The following MAP3K4 variants were observed in gnomAD, a reference collection of about 807,000 sequenced individuals.
MAP3K4 encodes mitogen-activated protein kinase kinase kinase 4.
A neutral mutation model predicts 185.6 loss-of-function variants in MAP3K4; 67 were observed. The observed-to-expected ratio is 0.36, with a 90% CI of 0.30 to 0.44. The LOEUF (loss-of-function observed/expected upper bound fraction) is 0.44. Ranked by LOEUF, MAP3K4 falls within the 20% of genes least tolerant of loss-of-function variation. MAP3K4 has a pLI of 1.00. For missense variants in MAP3K4, 1,551 were observed against 1,995.1 expected (o/e 0.78, Z 4.24); for synonymous variants, 702 against 710.4 (o/e 0.99, Z 0.19).
At position 161,056,308 on chromosome 6, in the gene MAP3K4, G is replaced by T. The variant is rs1358867134; in HGVS notation, c.1707+6329G>T. On this transcript the variant is annotated intron_variant, in intron 3 of 26. Transcript: ENST00000392142. This position sits in a 1 kb window ranked among gnomAD's most constrained non-coding sequence, Gnocchi z 5.4. The stretch of plus-strand genomic sequence containing the variant: ...TCCTTTTACTGGATAATTGTATTTA[G>T]AAATGAAGATGTGGGCACTGGGTGT... Among the ~76,000 whole-genome samples, 4 of 152,150 alleles carry T rather than the reference G, an allele frequency of 2.6e-5. No homozygotes were observed. The highest frequency in any genetic ancestry group is 1.5e-5 in the Non-Finnish European group (1 of 68,038).
intron 1 of MAP3K4, among the ~76,000 whole-genome samples, chr6:161,010,324 G>A (rs1171306429): frequency 6.6e-6 from 1 of 151,870 alleles, no homozygotes; most frequent in Non-Finnish European, 1.5e-5. Flanking sequence ...CATATTTTTT[G>A]GTTTGTTACA....
intron 3 of MAP3K4, among the ~76,000 whole-genome samples, chr6:161,060,858 G>T (rs1784457099): frequency 6.6e-6 from 1 of 152,044 alleles, no homozygotes; most frequent in African/African-American, 2.4e-5. Flanking sequence ...GACCTCAAGT[G>T]ATCTGCCGGC....
intron 19 of MAP3K4, among the ~76,000 whole-genome samples, chr6:161,105,996 TG>T (rs1303334333): frequency 1.3e-5 from 2 of 152,078 alleles, no homozygotes; most frequent in African/African-American, 4.8e-5. Flanking sequence ...CCACCACACC[TG>T]GCTAACTTTT....
In MAP3K4 at chr6:160,991,878, C is replaced by T. The variant is rs1459414154; in HGVS notation, c.-54C>T. On this transcript the variant is annotated 5_prime_UTR_variant, in exon 1 of 27. Coordinates refer to ENST00000392142, the MANE Select transcript of MAP3K4 (RefSeq NM_005922.4). This position sits in a 1 kb window ranked among gnomAD's most constrained non-coding sequence, Gnocchi z 5.7. ...CCCGCACTTCGGGGCTCCGGTGCCC[C>T]GCGCCAGGCTGCAGCTTACTGCCCG... The T allele has an allele frequency of 2.8e-6, 4 of 1,444,096 alleles. No individual in the cohort carries two copies. Among genetic ancestry groups the T allele is most frequent in the African/African-American group, 3.0e-5 (2 of 67,262 alleles). 89.5% of individuals were successfully genotyped at this position (1,444,096 alleles called of 1,614,324 possible).
At chr6:161,021,349 T>G (rs1782376920) in intron 1 of MAP3K4, among the ~76,000 whole-genome samples, 1 of 152,178 alleles carries the variant, frequency 6.6e-6, no homozygotes, top group Admixed American at 6.5e-5. Flanking sequence ...GGGACTCGGA[T>G]TCACTCCGCC....
Position 161,086,457 on chromosome 6 carries a change from A to G in MAP3K4, c.2451A>G (p.Gly817=), listed in dbSNP as rs1260119150. ...EARERASKAL[G]FAKMLRKDLE... ...GAGAAAGGGCTTCCAAAGCACTTGG[A>G]TTTGCTAAAATGTTGAGAAAGGTGA... Residue 817 remains glycine, a synonymous_variant, in exon 8 of 27, where the codon GGA becomes GGG. Transcript: ENST00000392142. This position sits in a 1 kb window ranked among gnomAD's most constrained non-coding sequence, Gnocchi z 4.8. The G allele has an allele frequency of 1.2e-6, 2 of 1,613,966 alleles. No individual in the cohort carries two copies. The highest frequency in any genetic ancestry group is 4.5e-5 in the East Asian group (2 of 44,886).
chr6:161,110,270 A>C lies in MAP3K4; in HGVS notation c.4396+356A>C, dbSNP rs1055368707. Among the ~76,000 whole-genome samples the C allele has an allele frequency of 2.6e-5, 4 of 152,210 alleles. No homozygotes were observed. The highest frequency in any genetic ancestry group is 4.4e-5 in the Non-Finnish European group (3 of 68,044). On this transcript the variant is annotated intron_variant, in intron 23 of 26. Transcript: ENST00000392142. This position sits in a 1 kb window ranked among gnomAD's most constrained non-coding sequence, Gnocchi z 4.8. ...CAGGATTCTTGTCTATTTATATATG[A>C]AAATCATGAATATGTAAACCGACAG... is the stretch of plus-strand genomic sequence containing the variant.
chr6:161,102,812 A>AG lies in MAP3K4; in HGVS notation c.3856+33_3856+34insG, dbSNP rs753420517. On this transcript the variant is annotated intron_variant, in intron 19 of 26. Transcript: ENST00000392142. ...AAAGAGTGTTGAAGTTAAAAAAAAAAAAAAAAAAAAAACACGATTACACAT... is the reference window on the plus strand; with the variant it reads ...AAAGAGTGTTGAAGTTAAAAAAAAAAGAAAAAAAAAAAACACGATTACACAT... 3.5e-6 allele frequency: 5 copies of AG among 1,411,178 alleles called. No homozygotes were observed. The East Asian group carries it at 1.2e-4, about 33-fold the overall frequency. The allele number at this position is 1,411,178 out of a possible 1,614,324, so 87.4% of individuals were successfully genotyped here.
In MAP3K4 at chr6:161,076,103, T is replaced by C. The variant is rs1742822993; in HGVS notation, c.2097+2491T>C. Among the ~76,000 whole-genome samples, 1 of 152,152 alleles carries C rather than the reference T, an allele frequency of 6.6e-6. No individual in the cohort carries two copies. Among genetic ancestry groups the C allele is most frequent in the African/African-American group, 2.4e-5 (1 of 41,434 alleles). Reference sequence around the variant, plus strand: ...CATACCCTTCCAAAAATAAAAAGACTTAGAATTATTCGCCTTGAAATGTAA... The same window carrying C: ...CATACCCTTCCAAAAATAAAAAGACCTAGAATTATTCGCCTTGAAATGTAA... On this transcript the variant is annotated intron_variant, in intron 5 of 26. Coordinates refer to ENST00000392142, the MANE Select transcript of MAP3K4 (RefSeq NM_005922.4). The surrounding 1 kb of genome is among the most constrained non-coding windows in gnomAD (Gnocchi z 4.2).
intron 3 of MAP3K4, 68 bp downstream of exon 3, chr6:161,050,047 T>C: frequency 7.0e-7 from 1 of 1,426,990 alleles, no homozygotes. Flanking sequence ...AATTATAATG[T>C]TGGTGTTATG....
Position 161,098,839 on chromosome 6 carries a change from T to G in MAP3K4, c.3674+412T>G, listed in dbSNP as rs1182139093. On this transcript the variant is annotated intron_variant, in intron 17 of 26. Coordinates refer to ENST00000392142, the MANE Select transcript of MAP3K4 (RefSeq NM_005922.4). The surrounding 1 kb of genome is among the most constrained non-coding windows in gnomAD (Gnocchi z 4.4). ...ATTTTATTTTTTGGGAAGATCAGTT[T>G]TCTAGCCAAATACTCTATTTTAAAT... Among the ~76,000 whole-genome samples, 2 of 152,170 alleles carry G rather than the reference T, an allele frequency of 1.3e-5. No individual in the cohort carries two copies. Among genetic ancestry groups the G allele is most frequent in the Admixed American group, 1.3e-4 (2 of 15,284 alleles).
chr6:161,025,091 T>C (rs370402748), intron 1 of MAP3K4, among the ~76,000 whole-genome samples: 13 of 152,006 alleles, frequency 8.6e-5, no homozygotes, highest in East Asian at 3.9e-4. Flanking sequence ...TGTTACCTCA[T>C]TTGTTTTGTT....
chr6:161,078,253 T>A (rs922237990), intron 5 of MAP3K4, among the ~76,000 whole-genome samples: 1 of 152,012 alleles, frequency 6.6e-6, no homozygotes, highest in African/African-American at 2.4e-5. Context: ...TTATGACTAG[T>A]CCCCCCAGCT....
In MAP3K4 at chr6:161,087,533, T is replaced by C. The variant is rs763887604; in HGVS notation, c.2557-155T>C. Among the ~76,000 whole-genome samples the C allele has an allele frequency of 6.6e-6, 1 of 152,240 alleles. No individual in the cohort carries two copies. Among genetic ancestry groups the C allele is most frequent in the African/African-American group, 2.4e-5 (1 of 41,462 alleles). On this transcript the variant is annotated intron_variant, in intron 9 of 26. Coordinates refer to ENST00000392142, the MANE Select transcript of MAP3K4 (RefSeq NM_005922.4). The surrounding 1 kb of genome is among the most constrained non-coding windows in gnomAD (Gnocchi z 4.9). ...CTCCTCCTGCCTCCTTCAGTCACAC[T>C]GAAGCCGGCTACCTGCAGTTCCCTC...
rs765581387 is a variant in MAP3K4 at position 161,098,364 on chromosome 6, G to A, written c.3611G>A (p.Arg1204Gln). ...AAAAAAVAAS[R>Q]PSPSGGDSVL... ...GCTGCTGCTGCTGTTGCTGCCAGTC[G>A]GCCCAGCCCCTCTGGTGGTGACTCT... Residue 1204 changes from arginine (R) to glutamine (Q), a missense_variant, in exon 17 of 27, where the codon CGG (arginine) becomes CAG (glutamine). This residue lies in a region of MAP3K4 where 272 missense variants were observed against 301.2 expected (regional missense o/e 0.90). Transcript: ENST00000392142. The surrounding 1 kb of genome is among the most constrained non-coding windows in gnomAD (Gnocchi z 4.4). The A allele has an allele frequency of 1.5e-5, 24 of 1,613,460 alleles. No individual in the cohort carries two copies. The East Asian group carries it at 2.0e-4, about 13-fold the overall frequency.
At chr6:161,105,184 T>G (rs373696131) in intron 19 of MAP3K4, among the ~76,000 whole-genome samples, 12 of 152,160 alleles carry the variant, frequency 7.9e-5, no homozygotes, top group Non-Finnish European at 1.6e-4. Context: ...GGGTAATAGC[T>G]CACAGAACTG....
rs1408010976 is a variant in MAP3K4, at chr6:161,074,385, C to A, written c.2097+773C>A. Among the ~76,000 whole-genome samples, 1 of 152,136 alleles carries A rather than the reference C, an allele frequency of 6.6e-6. No homozygotes were observed. The highest frequency in any genetic ancestry group is 1.5e-5 in the Non-Finnish European group (1 of 68,024). On this transcript the variant is annotated intron_variant, in intron 5 of 26. Transcript: ENST00000392142. This position sits in a 1 kb window ranked among gnomAD's most constrained non-coding sequence, Gnocchi z 5.0. The stretch of plus-strand genomic sequence containing the variant: ...CATTCTTCTTTCCTGTTAGAAATGC[C>A]CCCTCCTCCACTTTATCTGCCTATT...
chr6:161,063,342 TG>T lies in MAP3K4; in HGVS notation c.1708-7264del, dbSNP rs1396900852. Reference sequence around the variant, plus strand: ...ATCTTTCTGGCAAGCGCTCACTGTCTGGAGGGTTATTCTCCTTTTTCTCTCT... The same window carrying T: ...ATCTTTCTGGCAAGCGCTCACTGTCTGAGGGTTATTCTCCTTTTTCTCTCT... On this transcript the variant is annotated intron_variant, in intron 3 of 26. Transcript: ENST00000392142. The surrounding 1 kb of genome is among the most constrained non-coding windows in gnomAD (Gnocchi z 5.4). Among the ~76,000 whole-genome samples, 3 of 152,180 alleles carry T rather than the reference TG, an allele frequency of 2.0e-5. No individual in the cohort carries two copies. The highest frequency in any genetic ancestry group is 7.2e-5 in the African/African-American group (3 of 41,454).
chr6:160,997,573 A>G (rs921941295), intron 1 of MAP3K4, among the ~76,000 whole-genome samples: 1 of 152,234 alleles, frequency 6.6e-6, no homozygotes, highest in South Asian at 2.1e-4. Flanking sequence ...TGATGTATAC[A>G]TACTCACCGC....
Sources: gnomAD v4.1 joint callset for allele counts (sites outside exome capture counted in the v4.1 genomes callset) on GRCh38, gnomAD v4.1.1 for gene constraint, gnomAD v4.1.1 regional missense constraint, Gnocchi (gnomAD v3.1) non-coding constraint, MANE v1.5 for transcripts, NCBI Gene and HGNC (gene_info 2026-07-23, HGNC 2026-07-21) for gene names.